SLC5A5: variants seen among roughly 807,000 people sequenced by gnomAD.
SLC5A5 encodes the protein sodium/iodide cotransporter.
Under a neutral mutation model 68.6 loss-of-function variants are expected in SLC5A5, and 56 were observed. The observed-to-expected ratio is 0.82, with a 90% CI of 0.66 to 1.02. The LOEUF (loss-of-function observed/expected upper bound fraction) is 1.02, where lower values mean the gene tolerates loss of function less well. Ranked by LOEUF, SLC5A5 falls within the 50% of genes least tolerant of loss-of-function variation. SLC5A5 has a pLI of 0.00. For missense variants in SLC5A5, 807 were observed against 859.8 expected (o/e 0.94, Z 0.77); for synonymous variants, 398 against 373.0 (o/e 1.07, Z -0.77).
chr19:17,883,875 G>T lies in SLC5A5; in HGVS notation c.1355G>T (p.Gly452Val). ...GGCGTCCTCGCGGGACTAGGCGCGG[G>T]CTTGGCGCTGTCGCTGTGGGTGGCC... ...TPGVLAGLGA[G>V]LALSLWVALG... Residue 452 changes from glycine to valine, a missense_variant, in exon 12 of 15, where the codon GGC (glycine) becomes GTC (valine). By Grantham distance (109) the Gly-to-Val change is moderately radical (BLOSUM62 -3). Coordinates refer to ENST00000222248, the MANE Select transcript of SLC5A5 (RefSeq NM_000453.3). 6.3e-7 allele frequency: 1 copy of T among 1,582,794 alleles called. No individual in the cohort carries two copies. Among genetic ancestry groups the T allele is most frequent in the Non-Finnish European group, 8.6e-7 (1 of 1,165,872 alleles).
At position 17,874,747 on chromosome 19, in the gene SLC5A5, A is replaced by C. The variant is rs1701917783; in HGVS notation, c.543+16A>C. 1 of 1,612,296 alleles carries C rather than the reference A, an allele frequency of 6.2e-7. No homozygotes were observed. The highest frequency in any genetic ancestry group is 1.7e-5 in the Admixed American group (1 of 59,982). On this transcript the variant is annotated intron_variant, in intron 4 of 14. Coordinates refer to ENST00000222248, the MANE Select transcript of SLC5A5 (RefSeq NM_000453.3). Reference sequence around the variant, plus strand: ...CACGGCTGTGGTGAGTGGCCCTGGGAACTCACTCCATACGGGGGATCGGGC... The same window carrying C: ...CACGGCTGTGGTGAGTGGCCCTGGGCACTCACTCCATACGGGGGATCGGGC...
At chr19:17,874,634 G>A (rs1257251295) in intron 3 of SLC5A5, 30 bp from the exon 4 acceptor site, 1 of 1,613,728 alleles carries the variant, frequency 6.2e-7, no homozygotes, top group Admixed American at 1.7e-5. Context: ...CCCGCCCAGG[G>A]GCCTAACAGG....
At chr19:17,888,254 G>A (rs896508521) in intron 12 of SLC5A5, 77 bp from the exon 13 acceptor site, 6 of 1,568,794 alleles carry the variant, frequency 3.8e-6, no homozygotes, top group Admixed American at 1.7e-5. Context: ...AGGAAGCAGG[G>A]GGTGAGGTTG....
At chr19:17,887,796 C>T (rs1486312193) in intron 12 of SLC5A5, among the ~76,000 whole-genome samples, 1 of 151,244 alleles carries the variant, frequency 6.6e-6, no homozygotes, top group Non-Finnish European at 1.5e-5. Flanking sequence ...TTAGTAGAGA[C>T]AGGGTTTCAC....
At chr19:17,891,237 G>A (rs367637342) in intron 14 of SLC5A5, among the ~76,000 whole-genome samples, 12 of 151,952 alleles carry the variant, frequency 7.9e-5, no homozygotes, top group South Asian at 4.2e-4. Flanking sequence ...ACAGAGTCTC[G>A]CTCTGTTGCC....
At chr19:17,875,872 A>G in intron 4 of SLC5A5, 80 bp from the exon 5 acceptor site, 1 of 1,316,502 alleles carries the variant, frequency 7.6e-7, no homozygotes, top group Non-Finnish European at 1.1e-6. Context: ...GAGGCATAGA[A>G]GGGCATCAGT....
At chr19:17,878,702 A>G (rs1301035105) in intron 7 of SLC5A5, among the ~76,000 whole-genome samples, 1 of 151,720 alleles carries the variant, frequency 6.6e-6, no homozygotes, top group Non-Finnish European at 1.5e-5. Context: ...CAGGCCGGGC[A>G]TGTTGGCTCA....
chr19:17,889,440 A>AGGAAGGAAGGAAGGAAGGAG (rs964202892), intron 13 of SLC5A5, among the ~76,000 whole-genome samples: 1 of 149,598 alleles, frequency 6.7e-6, no homozygotes, highest in African/African-American at 2.5e-5. Context: ...GAAGGAAGGA[A>AGGAAGGAAGGAAGGAAGGAG]GGAAAGAGAA....
Position 17,874,667 on chromosome 19 carries a change from C to G in SLC5A5, c.479C>G (p.Thr160Ser). ...AGGGGGACCTCTTTTTGCATAGTGA[C>G]CGGGCTGGACATCTGGGCGTCGCTC... ...YAPALILNQVTGLDIWASLLS... is the reference protein window; with the variant it reads ...YAPALILNQVSGLDIWASLLS... Residue 160 changes from threonine (T) to serine (S), a missense_variant, in exon 4 of 15, where the codon ACC becomes AGC. By Grantham distance (58) the Thr-to-Ser change is moderately conservative. Transcript: ENST00000222248. 6.2e-7 allele frequency: 1 copy of G among 1,614,156 alleles called. No homozygotes were observed.
Position 17,872,448 on chromosome 19 carries a change from C to G in SLC5A5, c.129C>G (p.Ser43Arg), listed in dbSNP as rs1314673491. Residue 43 changes from serine to arginine, a missense_variant, in exon 1 of 15, where the codon AGC (serine) becomes AGG (arginine). Transcript: ENST00000222248. ...GGCTGGCTCGGGGCGGGCAGCGCAG[C>G]GCTGAGGACTTCTTCACCGGGGGCC... ...WVGLARGGQR[S>R]AEDFFTGGRR... 27 of 1,610,274 alleles carry G rather than the reference C, an allele frequency of 1.7e-5. No individual in the cohort carries two copies. The highest frequency in any genetic ancestry group is 2.3e-5 in the Non-Finnish European group (27 of 1,178,834).
rs200646716 is a variant in SLC5A5 at position 17,891,054 on chromosome 19, C to T, written c.1767+53C>T. On this transcript the variant is annotated intron_variant, in intron 14 of 14. Coordinates refer to ENST00000222248, the MANE Select transcript of SLC5A5 (RefSeq NM_000453.3). Reference sequence around the variant, plus strand: ...TAGAGGCAGCCAAGTGACTTTAGGACGTGACCACAGCTCAGGGGAGGGACA... The same window carrying T: ...TAGAGGCAGCCAAGTGACTTTAGGATGTGACCACAGCTCAGGGGAGGGACA... 180 of 1,113,902 alleles carry T rather than the reference C, an allele frequency of 1.6e-4. 1 individual carries two copies. The highest frequency in any genetic ancestry group is 2.2e-4 in the Non-Finnish European group (161 of 723,490). The allele number at this position is 1,113,902 out of a possible 1,614,324, so 69.0% of individuals were successfully genotyped here.
chr19:17,879,392 G>T (rs1030343443), intron 7 of SLC5A5, among the ~76,000 whole-genome samples: 1 of 152,158 alleles, frequency 6.6e-6, no homozygotes, highest in Non-Finnish European at 1.5e-5. Context: ...AATAATGACA[G>T]CTCTGGTCTC....
Position 17,893,995 on chromosome 19 carries a change from G to A in SLC5A5, c.*118G>A, listed in dbSNP as rs1170493943. 10 of 1,002,444 alleles carry A rather than the reference G, an allele frequency of 1.0e-5. No individual in the cohort carries two copies. The East Asian group carries it at 1.3e-4, about 13-fold the overall frequency. The allele number at this position is 1,002,444 out of a possible 1,614,324, so 62.1% of individuals were successfully genotyped here. On this transcript the variant is annotated 3_prime_UTR_variant, in exon 15 of 15. Coordinates refer to ENST00000222248, the MANE Select transcript of SLC5A5 (RefSeq NM_000453.3). ...GCTGGATTGCCTTGTATGCAAATGA[G>A]TTCAGGACTACAATACCCTACCCTA...
At chr19:17,892,772 T>C (rs1599936935) in intron 14 of SLC5A5, among the ~76,000 whole-genome samples, 2 of 145,660 alleles carry the variant, frequency 1.4e-5, no homozygotes, top group Middle Eastern at 8.0e-3. Context: ...GATGCTGTGA[T>C]GGGGAGCAAC....
chr19:17,875,098 G>A (rs1409969041), intron 4 of SLC5A5, among the ~76,000 whole-genome samples: 4 of 152,164 alleles, frequency 2.6e-5, no homozygotes, highest in South Asian at 2.1e-4. Context: ...GGCCGGGCGC[G>A]GTGGCTCACG....
rs1038058831 is a variant in SLC5A5, at chr19:17,878,706, T to G, written c.969+613T>G. Among the ~76,000 whole-genome samples the G allele has an allele frequency of 2.0e-5, 3 of 151,834 alleles. No homozygotes were observed. In the East Asian group the frequency reaches 5.9e-4, roughly 30 times the overall value. ...AAACCATGACCCAGGCCGGGCATGT[T>G]GGCTCACGCCTGTAATCCCAGCACT... On this transcript the variant is annotated intron_variant, in intron 7 of 14. Coordinates refer to ENST00000222248, the MANE Select transcript of SLC5A5 (RefSeq NM_000453.3).
At position 17,881,955 on chromosome 19, in the gene SLC5A5, C is replaced by T. The variant is rs766252804; in HGVS notation, c.1059-5C>T. The stretch of plus-strand genomic sequence containing the variant: ...TGAGGACCCCCCGCTGCCTTCCTCA[C>T]ACAGCACAGCATCCACCAGCATCAA... On this transcript the variant is annotated splice_region_variant and splice_polypyrimidine_tract_variant and intron_variant, in intron 8 of 14. Transcript: ENST00000222248. 2 of 1,611,070 alleles carry T rather than the reference C, an allele frequency of 1.2e-6. No homozygotes were observed. The highest frequency in any genetic ancestry group is 8.5e-7 in the Non-Finnish European group (1 of 1,177,336).
At chr19:17,874,642 A>G (rs745601713) in intron 3 of SLC5A5, 22 bp from the exon 4 acceptor site, 2 of 1,614,070 alleles carry the variant, frequency 1.2e-6, no homozygotes, top group Non-Finnish European at 1.7e-6. Context: ...GGGGCCTAAC[A>G]GGGGGACCTC....
Position 17,874,690 on chromosome 19 carries a change from CTCCTG to C in SLC5A5, c.506_510del (p.Leu169HisfsTer21). On this transcript the variant is annotated frameshift_variant, in exon 4 of 15. Coordinates refer to ENST00000222248, the MANE Select transcript of SLC5A5 (RefSeq NM_000453.3). ...GACCGGGCTGGACATCTGGGCGTCGCTCCTGTCCACCGGAATTATCTGCACCTTCT... is the reference window on the plus strand; with the variant it reads ...GACCGGGCTGGACATCTGGGCGTCGCTCCACCGGAATTATCTGCACCTTCT... 1 of 1,614,126 alleles carries C rather than the reference CTCCTG, an allele frequency of 6.2e-7. No individual in the cohort carries two copies. The highest frequency in any genetic ancestry group is 8.5e-7 in the Non-Finnish European group (1 of 1,180,024).
Sources: gnomAD v4.1 joint callset for allele counts (sites outside exome capture counted in the v4.1 genomes callset) on GRCh38, gnomAD v4.1.1 for gene constraint, MANE v1.5 for transcripts, NCBI Gene and HGNC (gene_info 2026-07-23, HGNC 2026-07-21) for gene names.